Variants in MSRB3 observed in about 807,000 individuals in gnomAD.
The protein encoded by MSRB3 is methionine-R-sulfoxide reductase B3.
MSRB3 carries 13 observed loss-of-function variants against 21.0 expected under a neutral mutation model. The observed-to-expected ratio is 0.62, with a 90% CI of 0.40 to 0.98. MSRB3 has a LOEUF of 0.98. Among genes scored for constraint, MSRB3 ranks in the 50% least tolerant of loss-of-function variants. The pLI is 0.00. For synonymous variants in MSRB3, 87 were observed against 88.6 expected (o/e 0.98, Z 0.10); for missense variants, 199 against 230.3 (o/e 0.86, Z 0.88).
At chr12:65,310,505 TATAC>T (rs1307957960) in intron 2 of MSRB3, among the ~76,000 whole-genome samples, 1 of 144,362 alleles carries the variant, frequency 6.9e-6, no homozygotes, top group Non-Finnish European at 1.6e-5. Context: ...TTATTTAGAT[TATAC>T]ATAATGATGT....
chr12:65,308,431 G>T, intron 1 of MSRB3, 98 bp from the exon 2 acceptor site: 7 of 1,485,824 alleles, frequency 4.7e-6, no homozygotes, highest in Non-Finnish European at 6.4e-6. Flanking sequence ...CATGTGTTCA[G>T]TTCCAGATAA....
intron 4 of MSRB3, among the ~76,000 whole-genome samples, chr12:65,338,577 G>A (rs889072523): frequency 6.6e-6 from 1 of 152,002 alleles, no homozygotes; most frequent in African/African-American, 2.4e-5. Flanking sequence ...ACAAAAAATA[G>A]GATCAACCAC....
At chr12:65,393,153 T>A (rs1053813578) in intron 5 of MSRB3, among the ~76,000 whole-genome samples, 1 of 152,164 alleles carries the variant, frequency 6.6e-6, no homozygotes, top group African/African-American at 2.4e-5. Flanking sequence ...ATCCCTACTT[T>A]CTTTATGTTG....
chr12:65,391,333 G>C lies in MSRB3; in HGVS notation c.292+22307G>C, dbSNP rs115364007. ...AAGACTAACAGTCAAACAGCCTTTA[G>C]TTAAAAGTAAAGATGAGTTGGCTCC... On this transcript the variant is annotated intron_variant, in intron 5 of 6. Transcript: ENST00000308259. Among the ~76,000 whole-genome samples the C allele has an allele frequency of 3.0e-3, 452 of 152,316 alleles. 1 individual carries two copies. The highest frequency in any genetic ancestry group is 0.01 in the African/African-American group (423 of 41,568).
At chr12:65,404,036 A>C (rs1344444718) in intron 5 of MSRB3, among the ~76,000 whole-genome samples, 2 of 152,160 alleles carry the variant, frequency 1.3e-5, no homozygotes, top group Non-Finnish European at 1.5e-5. Context: ...TGCAGACCGG[A>C]GCTGTTCCTA....
chr12:65,389,031 G>A (rs1801067809), intron 5 of MSRB3, among the ~76,000 whole-genome samples: 1 of 152,162 alleles, frequency 6.6e-6, no homozygotes, highest in Non-Finnish European at 1.5e-5. Flanking sequence ...AAATAATGAT[G>A]TTAATGACAT....
intron 5 of MSRB3, chr12:65,418,665 A>G (rs1881109362): frequency 3.2e-6 from 2 of 621,410 alleles, no homozygotes; most frequent in Non-Finnish European, 2.8e-6. Flanking sequence ...TTTTTTTTTA[A>G]CCTCTGAACT....
intron 2 of MSRB3, among the ~76,000 whole-genome samples, chr12:65,312,915 A>AAAT (rs1263719394): frequency 3.3e-5 from 5 of 150,220 alleles, no homozygotes; most frequent in African/African-American, 5.0e-5. Context: ...GGAAGATTAA[A>AAAT]AGTGAAGTTC....
intron 5 of MSRB3, among the ~76,000 whole-genome samples, chr12:65,433,614 C>T (rs1331088083): frequency 6.6e-6 from 1 of 151,886 alleles, no homozygotes; most frequent in East Asian, 1.9e-4. Flanking sequence ...TCCTGCTTCA[C>T]TGTGATGGTC....
chr12:65,400,218 A>C (rs910876230), intron 5 of MSRB3, among the ~76,000 whole-genome samples: 4 of 149,594 alleles, frequency 2.7e-5, no homozygotes, highest in African/African-American at 9.8e-5. Flanking sequence ...TTCATCAGTG[A>C]ATCCATCTGG....
intron 4 of MSRB3, among the ~76,000 whole-genome samples, chr12:65,349,053 C>G (rs1038814243): frequency 3.9e-5 from 6 of 151,986 alleles, no homozygotes; most frequent in Non-Finnish European, 7.4e-5. Context: ...TGCTATCCCT[C>G]CCCCTTCTCC....
rs182043731 is a variant in MSRB3 at position 65,341,798 on chromosome 12, A to C, written c.263+13195A>C. Among the ~76,000 whole-genome samples, 248 of 152,132 alleles carry C rather than the reference A, an allele frequency of 1.6e-3. 1 individual carries two copies. The highest frequency in any genetic ancestry group is 5.7e-3 in the African/African-American group (238 of 41,556). On this transcript the variant is annotated intron_variant, in intron 4 of 6. Transcript: ENST00000308259. ...ACAAGTAACATGTCATGACAAGGTA[A>C]GGTTTATTTCAGGGATGTACAAATG...
intron 4 of MSRB3, among the ~76,000 whole-genome samples, chr12:65,332,430 A>G (rs1043075614): frequency 1.9e-4 from 29 of 152,132 alleles, no homozygotes; most frequent in African/African-American, 5.8e-4. Flanking sequence ...TAGATAATAC[A>G]GAAGAAATAA....
chr12:65,399,388 C>T (rs1325306237), intron 5 of MSRB3, among the ~76,000 whole-genome samples: 1 of 152,122 alleles, frequency 6.6e-6, no homozygotes, highest in East Asian at 1.9e-4. Flanking sequence ...GGAGTTCACT[C>T]ATGATTTGGC....
intron 4 of MSRB3, among the ~76,000 whole-genome samples, chr12:65,351,973 A>T (rs965517654): frequency 1.3e-4 from 20 of 152,144 alleles, no homozygotes; most frequent in African/African-American, 4.6e-4. Flanking sequence ...TGAGGCCAGC[A>T]TCATTCTGAT....
intron 4 of MSRB3, among the ~76,000 whole-genome samples, chr12:65,359,494 T>C (rs1462243389): frequency 6.6e-6 from 1 of 152,100 alleles, no homozygotes; most frequent in Non-Finnish European, 1.5e-5. Flanking sequence ...CTAATCTGCT[T>C]CATCCCCCAG....
intron 5 of MSRB3, among the ~76,000 whole-genome samples, chr12:65,371,804 C>T (rs1429632715): frequency 6.6e-6 from 1 of 152,032 alleles, no homozygotes; most frequent in Non-Finnish European, 1.5e-5. Context: ...AAATGATTAT[C>T]CTAGAAATTG....
chr12:65,387,850 T>C (rs527352818), intron 5 of MSRB3, among the ~76,000 whole-genome samples: 14 of 152,240 alleles, frequency 9.2e-5, no homozygotes, highest in African/African-American at 3.4e-4. Flanking sequence ...GATTTTTTTT[T>C]CCTACAAAAA....
chr12:65,421,296 T>A (rs1223257016), intron 5 of MSRB3, among the ~76,000 whole-genome samples: 2 of 152,256 alleles, frequency 1.3e-5, no homozygotes, highest in African/African-American at 2.4e-5. Flanking sequence ...CTTTGCCCAC[T>A]TTTTAATGTG....
Sources: allele counts gnomAD v4.1 joint callset (sites outside exome capture counted in the v4.1 genomes callset), GRCh38; gene constraint gnomAD v4.1.1; transcripts MANE v1.5; gene names NCBI Gene and HGNC (gene_info 2026-07-23, HGNC 2026-07-21).